The following ARHGAP21 variants were observed in gnomAD, a reference collection of about 807,000 sequenced individuals.
ARHGAP21 encodes rho GTPase-activating protein 21.
In ARHGAP21, 38 loss-of-function variants were observed where a neutral mutation model predicts 164.6. The observed-to-expected ratio is 0.23, with a 90% confidence interval of 0.18 to 0.30. The LOEUF (loss-of-function observed/expected upper bound fraction) is 0.30, where lower values mean the gene tolerates loss of function less well. Among genes scored for constraint, ARHGAP21 ranks in the 10% least tolerant of loss-of-function variants. The pLI is 1.00. For synonymous variants in ARHGAP21, 766 were observed against 857.9 expected (o/e 0.89, Z 1.87); for missense variants, 1,822 against 2,370.7 (o/e 0.77, Z 4.81).
At chr10:24,647,865 T>C (rs1478452713) in intron 4 of ARHGAP21, among the ~76,000 whole-genome samples, 2 of 152,226 alleles carry the variant, frequency 1.3e-5, no homozygotes, top group Admixed American at 6.5e-5. Context: ...CCCCAGACAG[T>C]CTCACTCTGT....
At chr10:24,635,291 CCATAA>C (rs1287938011) in intron 4 of ARHGAP21, among the ~76,000 whole-genome samples, 188 bp from the exon 5 acceptor site, 9 of 152,236 alleles carry the variant, frequency 5.9e-5, no homozygotes, top group African/African-American at 2.2e-4. Context: ...TTTGCTTCTT[CCATAA>C]CATAATGACA....
chr10:24,662,810 T>G (rs947297964), intron 4 of ARHGAP21, among the ~76,000 whole-genome samples: 1 of 152,196 alleles, frequency 6.6e-6, no homozygotes, highest in African/African-American at 2.4e-5. Flanking sequence ...ATTATCTTAT[T>G]AGTCTTTTAA....
In ARHGAP21 at chr10:24,586,912, C is replaced by T. The variant is rs554590281; in HGVS notation, c.4183-806G>A. Reference sequence around the variant, plus strand: ...AAAATTAAGTGGGCATGGTGGCACGCACCTGTGGTCCTGGCTACTTGGGAG... The same window carrying T: ...AAAATTAAGTGGGCATGGTGGCACGTACCTGTGGTCCTGGCTACTTGGGAG... On this transcript the variant is annotated intron_variant, in intron 25 of 25. Coordinates refer to ENST00000396432, the MANE Select transcript of ARHGAP21 (RefSeq NM_020824.4). Among the ~76,000 whole-genome samples, 5 of 152,182 alleles carry T rather than the reference C, an allele frequency of 3.3e-5. No individual in the cohort carries two copies. The East Asian group carries it at 9.7e-4, about 30-fold the overall frequency.
intron 2 of ARHGAP21, among the ~76,000 whole-genome samples, chr10:24,674,325 G>A (rs1841002607): frequency 6.6e-6 from 1 of 152,212 alleles, no homozygotes; most frequent in African/African-American, 2.4e-5. Flanking sequence ...CCTGAGGTCA[G>A]GAGTTCAAGA....
At chr10:24,631,533 G>A (rs902507385) in intron 6 of ARHGAP21, among the ~76,000 whole-genome samples, 9 of 152,240 alleles carry the variant, frequency 5.9e-5, no homozygotes, top group African/African-American at 1.7e-4. Context: ...ATCTACTGGT[G>A]TCTCTTCTTG....
chr10:24,601,048 C>T (rs2076793758), intron 13 of ARHGAP21, 118 bp from the exon 14 acceptor site: 2 of 1,179,880 alleles, frequency 1.7e-6, no homozygotes, highest in Non-Finnish European at 1.2e-6. Context: ...TAGCAGGTGG[C>T]AGATTTAGCT....
At chr10:24,638,726 T>C (rs1836654568) in intron 4 of ARHGAP21, among the ~76,000 whole-genome samples, 1 of 152,224 alleles carries the variant, frequency 6.6e-6, no homozygotes, top group South Asian at 2.1e-4. Flanking sequence ...TTCCTAACCT[T>C]ATCAAAAGAG....
chr10:24,700,134 C>T (rs970014641), intron 2 of ARHGAP21, among the ~76,000 whole-genome samples: 17 of 152,262 alleles, frequency 1.1e-4, no homozygotes, highest in Middle Eastern at 6.8e-3. Context: ...CTTTAATTCC[C>T]GTCCCCTTGC....
intron 24 of ARHGAP21, 21 bp downstream of exon 24, chr10:24,591,204 G>A: frequency 5.1e-6 from 8 of 1,577,152 alleles, no homozygotes; most frequent in Non-Finnish European, 7.0e-6. Flanking sequence ...TAGAGGTCAA[G>A]ACTGCCCAGG....
chr10:24,663,192 A>G (rs1839877072), intron 4 of ARHGAP21, among the ~76,000 whole-genome samples: 1 of 152,046 alleles, frequency 6.6e-6, no homozygotes, highest in Admixed American at 6.6e-5. Flanking sequence ...TAGTTATTAT[A>G]TTGACTCTAT....
chr10:24,600,132 CAAAAAA>C (rs56180973), intron 14 of ARHGAP21, among the ~76,000 whole-genome samples: 3 of 94,862 alleles, frequency 3.2e-5, no homozygotes, highest in African/African-American at 4.2e-5. Context: ...GACTTCGTTT[CAAAAAA>C]AAAAAAAAAA....
At chr10:24,721,758 GCCGGTAACCC>G in intron 2 of ARHGAP21, 69 bp downstream of exon 2, 1 of 1,541,820 alleles carries the variant, frequency 6.5e-7, no homozygotes. Context: ...AGGCCCCGTG[GCCGGTAACCC>G]CCAACTTGCA....
intron 9 of ARHGAP21, among the ~76,000 whole-genome samples, chr10:24,610,171 G>C (rs528834124): frequency 1.3e-5 from 2 of 152,186 alleles, no homozygotes; most frequent in Admixed American, 6.5e-5. Flanking sequence ...GAGGTCAGGA[G>C]TTCGAGACCA....
chr10:24,616,753 G>A (rs535986031), intron 9 of ARHGAP21, among the ~76,000 whole-genome samples: 2 of 152,292 alleles, frequency 1.3e-5, no homozygotes, highest in South Asian at 4.1e-4. Flanking sequence ...AGAACACATT[G>A]TAATATCTGC....
At chr10:24,683,027 C>T (rs550184359) in intron 2 of ARHGAP21, among the ~76,000 whole-genome samples, 15 of 146,418 alleles carry the variant, frequency 1.0e-4, no homozygotes, top group Non-Finnish European at 1.9e-4. Context: ...ACCCGGGAGG[C>T]GGAGCATGCA....
intron 11 of ARHGAP21, among the ~76,000 whole-genome samples, chr10:24,606,478 A>G (rs2077030877): frequency 1.3e-5 from 2 of 152,246 alleles, no homozygotes; most frequent in African/African-American, 2.4e-5. Context: ...ATAATAATTA[A>G]AAATATATGT....
chr10:24,604,217 A>G (rs1246972774), intron 12 of ARHGAP21, 95 bp downstream of exon 12: 5 of 849,704 alleles, frequency 5.9e-6, no homozygotes, highest in Non-Finnish European at 1.7e-6. Flanking sequence ...AGAATAAAAG[A>G]TTATAATATT....
chr10:24,689,303 CAT>C (rs1165796010), intron 2 of ARHGAP21, among the ~76,000 whole-genome samples: 1 of 152,004 alleles, frequency 6.6e-6, no homozygotes, highest in Non-Finnish European at 1.5e-5. Flanking sequence ...TTTATGAAAA[CAT>C]AATGTATGTT....
chr10:24,620,406 C>G lies in ARHGAP21; in HGVS notation c.1489G>C (p.Asp497His), dbSNP rs762674447. ...GTTTCATCCTGTCCCTCAATATAAT[C>G]CCATGAACGAGTTCTATGATTACTA... is the stretch of plus-strand genomic sequence containing the variant. Reference protein sequence around the residue: ...SFSNHRTRSWDYIEGQDETLE... With the variant: ...SFSNHRTRSWHYIEGQDETLE... Residue 497 changes from aspartate (D) to histidine (H), a missense_variant, in exon 9 of 26, where the codon GAT becomes CAT. By Grantham distance (81) the Asp-to-His change is moderately conservative. Around this residue, in one of 5 missense-constraint regions of ARHGAP21, gnomAD observed 1,090 missense variants for 1,378.9 expected, o/e 0.79. Transcript: ENST00000396432. 1.2e-6 allele frequency: 2 copies of G among 1,612,114 alleles called. No individual in the cohort carries two copies. The highest frequency in any genetic ancestry group is 2.2e-5 in the East Asian group (1 of 44,868).
Sources: allele counts gnomAD v4.1 joint callset (sites outside exome capture counted in the v4.1 genomes callset), GRCh38; gene constraint gnomAD v4.1.1; regional missense constraint gnomAD v4.1.1; transcripts MANE v1.5; gene names NCBI Gene and HGNC (gene_info 2026-07-23, HGNC 2026-07-21).